TRIP4: variants seen among roughly 807,000 people sequenced by gnomAD.
The protein encoded by TRIP4 is activating signal cointegrator 1.
A neutral mutation model predicts 81.8 loss-of-function variants in TRIP4; 54 were observed. The ratio of observed to expected loss-of-function variants is 0.66; its 90% CI spans 0.53 to 0.83. The LOEUF is 0.83. Among genes scored for constraint, TRIP4 ranks in the 40% least tolerant of loss-of-function variants. The pLI, the probability that TRIP4 is intolerant of heterozygous loss-of-function variation, is 0.00. For missense variants in TRIP4, 662 were observed against 683.6 expected, an observed-to-expected ratio of 0.97 and a Z score of 0.35; for synonymous variants, 270 against 242.8, an observed-to-expected ratio of 1.11 and a Z score of -1.04.
At chr15:64,389,451 G>A (rs143538108) in intron 1 of TRIP4, among the ~76,000 whole-genome samples, 160 of 152,188 alleles carry the variant, frequency 1.1e-3, no homozygotes, top group African/African-American at 3.6e-3. Context: ...GGGCAACATA[G>A]TGAGACCCTG....
At chr15:64,404,783 T>C (rs1161443332) in intron 5 of TRIP4, among the ~76,000 whole-genome samples, 1 of 152,114 alleles carries the variant, frequency 6.6e-6, no homozygotes, top group Non-Finnish European at 1.5e-5. Context: ...CACATTTTAC[T>C]GCAGCAATTC....
intron 12 of TRIP4, among the ~76,000 whole-genome samples, chr15:64,454,569 G>A (rs1389419246): frequency 6.6e-6 from 1 of 152,094 alleles, no homozygotes; most frequent in African/African-American, 2.4e-5. Flanking sequence ...GCAAAGGGGT[G>A]TTGAACTGCT....
intron 12 of TRIP4, 135 bp downstream of exon 12, chr15:64,445,243 C>T (rs1892601799): frequency 4.1e-6 from 2 of 490,354 alleles, no homozygotes; most frequent in African/African-American, 4.0e-5. Context: ...TTGGATCAGC[C>T]TGTAAGTCAT....
chr15:64,424,901 G>A (rs554950774), intron 10 of TRIP4, among the ~76,000 whole-genome samples: 1 of 152,034 alleles, frequency 6.6e-6, no homozygotes, highest in East Asian at 1.9e-4. Flanking sequence ...TCAGCCTTCC[G>A]AGTAGCTGGG....
intron 1 of TRIP4, among the ~76,000 whole-genome samples, chr15:64,389,649 A>G (rs1900058527): frequency 6.6e-6 from 1 of 152,104 alleles, no homozygotes; most frequent in Non-Finnish European, 1.5e-5. Context: ...GAAATAATGA[A>G]ACTTTGCAAT....
At chr15:64,418,819 C>T (rs1288222890) in intron 9 of TRIP4, 91 bp downstream of exon 9, 1 of 1,246,706 alleles carries the variant, frequency 8.0e-7, no homozygotes, top group Non-Finnish European at 1.1e-6. Flanking sequence ...TTTCCTCAAT[C>T]TAGTGATGAT....
chr15:64,437,573 A>G (rs1438913825), intron 11 of TRIP4, among the ~76,000 whole-genome samples: 3 of 147,760 alleles, frequency 2.0e-5, no homozygotes, highest in East Asian at 2.0e-4. Flanking sequence ...GCTCACTGCA[A>G]CCTCCACCTC....
chr15:64,438,542 C>T (rs1892449993), intron 11 of TRIP4, among the ~76,000 whole-genome samples: 1 of 152,158 alleles, frequency 6.6e-6, no homozygotes, highest in South Asian at 2.1e-4. Flanking sequence ...TGGTCTCGAA[C>T]TCCCAACCTC....
intron 6 of TRIP4, among the ~76,000 whole-genome samples, chr15:64,407,865 G>A (rs1891665747): frequency 6.6e-6 from 1 of 152,054 alleles, no homozygotes; most frequent in African/African-American, 2.4e-5. Flanking sequence ...GGGAGGCCAA[G>A]GCAGACGGAT....
At chr15:64,397,113 A>C (rs1427201195) in intron 3 of TRIP4, among the ~76,000 whole-genome samples, 1 of 152,118 alleles carries the variant, frequency 6.6e-6, no homozygotes, top group East Asian at 1.9e-4. Flanking sequence ...TCTGTTGCCC[A>C]GTGGCGTCAA....
chr15:64,423,699 C>T (rs1318464619), intron 9 of TRIP4, among the ~76,000 whole-genome samples: 1 of 151,954 alleles, frequency 6.6e-6, no homozygotes, highest in Non-Finnish European at 1.5e-5. Flanking sequence ...ATTTATATGC[C>T]TTGAAAATAT....
In TRIP4 at chr15:64,409,701, T is replaced by C; in HGVS notation, c.916T>C (p.Leu306=). The change falls in exon 7 of 13, where the codon TTG becomes CTG. Residue 306 remains leucine (L), a synonymous_variant. Transcript: ENST00000261884. The part of the protein sequence containing the change: ...QWLSKLERET[L]QKREEELREL... Reference sequence around the variant, plus strand: ...GTTGTCCAAACTTGAGCGGGAAACCTTGCAGAAGCGAGAGGAGGAGCTGAG... The same window carrying C: ...GTTGTCCAAACTTGAGCGGGAAACCCTGCAGAAGCGAGAGGAGGAGCTGAG... The C allele has an allele frequency of 6.2e-7, 1 of 1,614,172 alleles. No individual in the cohort carries two copies. The highest frequency in any genetic ancestry group is 8.5e-7 in the Non-Finnish European group (1 of 1,180,038).
intron 12 of TRIP4, among the ~76,000 whole-genome samples, chr15:64,453,105 C>T (rs1892808631): frequency 6.6e-6 from 1 of 152,142 alleles, no homozygotes; most frequent in African/African-American, 2.4e-5. Flanking sequence ...ATTGCTTGAA[C>T]CTGGGTGGTG....
chr15:64,447,940 C>A (rs1175643430), intron 12 of TRIP4, among the ~76,000 whole-genome samples: 2 of 152,170 alleles, frequency 1.3e-5, no homozygotes, highest in African/African-American at 4.8e-5. Flanking sequence ...TCAAGTGGAT[C>A]CTCCTGCCTT....
chr15:64,412,439 T>C (rs1325501570), intron 7 of TRIP4, among the ~76,000 whole-genome samples: 2 of 152,116 alleles, frequency 1.3e-5, no homozygotes, highest in Non-Finnish European at 2.9e-5. Flanking sequence ...TGTTGGATGA[T>C]GGAATAATAA....
intron 5 of TRIP4, among the ~76,000 whole-genome samples, chr15:64,404,601 G>A (rs192055311): frequency 3.2e-4 from 48 of 152,130 alleles, no homozygotes; most frequent in Admixed American, 1.6e-3. Flanking sequence ...ATGAACCACC[G>A]CGCTCGGCCT....
Position 64,395,755 on chromosome 15 carries a change from T to C in TRIP4, c.405+224T>C, listed in dbSNP as rs75920008. 9.3e-3 allele frequency among the ~76,000 whole-genome samples: 1,393 copies of C among 149,580 alleles called. 12 individuals are homozygous for C. Among genetic ancestry groups the C allele is most frequent in the African/African-American group, 0.032 (1,306 of 40,684 alleles). ...ACATCTTTGCTTTTTTTTTTTTTTTTCCCCAAGACAGAGTCTTGCTCTGTT... is the reference window on the plus strand; with the variant it reads ...ACATCTTTGCTTTTTTTTTTTTTTTCCCCCAAGACAGAGTCTTGCTCTGTT... On this transcript the variant is annotated intron_variant, in intron 3 of 12. Coordinates refer to ENST00000261884, the MANE Select transcript of TRIP4 (RefSeq NM_016213.5).
At chr15:64,413,089 A>T (rs1015815798) in intron 7 of TRIP4, among the ~76,000 whole-genome samples, 1 of 152,118 alleles carries the variant, frequency 6.6e-6, no homozygotes, top group Non-Finnish European at 1.5e-5. Context: ...ACTAGCAAGA[A>T]GGAGTGGAGA....
chr15:64,441,267 A>G (rs556120798), intron 11 of TRIP4, among the ~76,000 whole-genome samples: 1 of 151,006 alleles, frequency 6.6e-6, no homozygotes, highest in South Asian at 2.1e-4. Flanking sequence ...AAGTGCTGGG[A>G]TTACAGGTGT....
Sources: allele counts gnomAD v4.1 joint callset (sites outside exome capture counted in the v4.1 genomes callset), GRCh38; gene constraint gnomAD v4.1.1; transcripts MANE v1.5; gene names NCBI Gene and HGNC (gene_info 2026-07-23, HGNC 2026-07-21).